RBFOX1: variants seen among roughly 807,000 people sequenced by gnomAD.
RBFOX1 encodes the protein RNA binding fox-1 homolog 1.
In RBFOX1, 8 loss-of-function variants were observed where a neutral mutation model predicts 57.7. The ratio of observed to expected loss-of-function variants is 0.14; its 90% CI spans 0.08 to 0.25. The LOEUF is 0.25. Ranked by LOEUF, RBFOX1 falls within the 10% of genes least tolerant of loss-of-function variation. The pLI is 1.00. For synonymous variants in RBFOX1, 326 were observed against 222.4 expected (o/e 1.47, Z -4.15); for missense variants, 611 against 548.5 (o/e 1.11, Z -1.14).
In RBFOX1 at chr16:5,691,770, C is replaced by CT. The variant is rs112873353; in HGVS notation, c.318+92818dup. On this transcript the variant is annotated intron_variant, in intron 3 of 19. Transcript: ENST00000641259. ...TAATCTTAAATCCTGTAAACATTAT[C>CT]TTTTTTTTTATTTTACAAAAGAGGA... 9.1e-3 allele frequency among the ~76,000 whole-genome samples: 1,372 copies of CT among 151,536 alleles called. 26 individuals carry two copies. Among genetic ancestry groups the CT allele is most frequent in the African/African-American group, 0.03 (1,231 of 41,358 alleles).
At chr16:5,855,516 G>A (rs1413476428) in intron 3 of RBFOX1, among the ~76,000 whole-genome samples, 1 of 152,128 alleles carries the variant, frequency 6.6e-6, no homozygotes, top group African/African-American at 2.4e-5. Context: ...CATTCTTGCT[G>A]AAGATCAGTT....
chr16:6,141,884 C>G (rs979617222), intron 1 of RBFOX1, among the ~76,000 whole-genome samples: 3 of 151,754 alleles, frequency 2.0e-5, no homozygotes, highest in Non-Finnish European at 4.4e-5. Flanking sequence ...CATGGTGAAA[C>G]CCCATCTCTA....
At chr16:5,477,476 T>C (rs2069370263) in intron 2 of RBFOX1, among the ~76,000 whole-genome samples, 1 of 152,224 alleles carries the variant, frequency 6.6e-6, no homozygotes, top group Non-Finnish European at 1.5e-5. Context: ...TGGCCCAGAC[T>C]GTCACTTCCA....
intron 3 of RBFOX1, among the ~76,000 whole-genome samples, chr16:7,035,048 T>C (rs2043979182): frequency 6.6e-6 from 1 of 151,308 alleles, no homozygotes; most frequent in South Asian, 2.1e-4. Context: ...GGGTTTTACA[T>C]TGTTGGCCAG....
intron 2 of RBFOX1, among the ~76,000 whole-genome samples, chr16:6,378,933 T>C (rs1596347417): frequency 6.6e-6 from 1 of 152,108 alleles, no homozygotes; most frequent in Non-Finnish European, 1.5e-5. Flanking sequence ...AGCACTGATC[T>C]TGTTGAGAGA....
chr16:5,451,976 A>C (rs1156965071), intron 1 of RBFOX1, among the ~76,000 whole-genome samples: 1 of 152,028 alleles, frequency 6.6e-6, no homozygotes, highest in Non-Finnish European at 1.5e-5. Flanking sequence ...TCACCATCAA[A>C]TTGAAGATCA....
At position 7,691,966 on chromosome 16, in the gene RBFOX1, C is replaced by A. The variant is rs544271429; in HGVS notation, c.995+15128C>A. On this transcript the variant is annotated intron_variant, in intron 14 of 15. Coordinates refer to ENST00000550418, the MANE Select transcript of RBFOX1 (RefSeq NM_018723.4). ...TTTTGTGCAGCCCAGAATATCATAC[C>A]TGTAGTTAGGAATTCCCGTGTTATT... 1.4e-3 allele frequency among the ~76,000 whole-genome samples: 214 copies of A among 152,190 alleles called. 1 individual carries two copies. The highest frequency in any genetic ancestry group is 2.5e-3 in the Non-Finnish European group (170 of 67,994).
At chr16:6,385,345 T>C (rs1050379063) in intron 2 of RBFOX1, among the ~76,000 whole-genome samples, 5 of 152,152 alleles carry the variant, frequency 3.3e-5, no homozygotes, top group Admixed American at 2.0e-4. Context: ...GTTTTCCCCA[T>C]CTTTATTTTT....
At chr16:6,287,968 T>A (rs1176227252) in intron 1 of RBFOX1, among the ~76,000 whole-genome samples, 1 of 152,132 alleles carries the variant, frequency 6.6e-6, no homozygotes, top group Non-Finnish European at 1.5e-5. Flanking sequence ...AAATGAACAG[T>A]GTTAAGCGTT....
Position 5,255,398 on chromosome 16 carries a change from A to G in RBFOX1, c.219+15293A>G, listed in dbSNP as rs139073815. 6.0e-3 allele frequency among the ~76,000 whole-genome samples: 908 copies of G among 151,872 alleles called. 6 individuals carry two copies. The highest frequency in any genetic ancestry group is 0.021 in the African/African-American group (849 of 41,374). On this transcript the variant is annotated intron_variant, in intron 1 of 2. Coordinates refer to the RBFOX1 transcript ENST00000585867. ...CATCCATCCAGACATGCATACATCC[A>G]TCCACCCACCTACCCATCTATCCAC...
chr16:6,466,219 A>T (rs1370552879), intron 2 of RBFOX1, among the ~76,000 whole-genome samples: 1 of 150,084 alleles, frequency 6.7e-6, no homozygotes, highest in African/African-American at 2.4e-5. Flanking sequence ...GACAGATTAA[A>T]ACTCTATCTC....
At chr16:6,848,268 G>C (rs2093872548) in intron 3 of RBFOX1, among the ~76,000 whole-genome samples, 1 of 152,102 alleles carries the variant, frequency 6.6e-6, no homozygotes, top group African/African-American at 2.4e-5. Context: ...AGCTGCAGCT[G>C]ATTGTGACCA....
intron 3 of RBFOX1, among the ~76,000 whole-genome samples, chr16:6,708,708 C>T (rs1050701907): frequency 6.6e-6 from 1 of 152,204 alleles, no homozygotes; most frequent in Admixed American, 6.5e-5. Context: ...TATAATTACA[C>T]CTGTTCCCTT....
rs146109687 is a variant in RBFOX1, at chr16:5,397,225, G to C, written c.220-69991G>C. On this transcript the variant is annotated intron_variant, in intron 1 of 2. Coordinates refer to the RBFOX1 transcript ENST00000585867. ...AGAGAAACGTGGAGGAGGCTGAAAG[G>C]CTTCTCTAAAGGGATTTTCCCCCTC... Among the ~76,000 whole-genome samples, 450 of 152,346 alleles carry C rather than the reference G, an allele frequency of 3.0e-3. 6 individuals are homozygous for C. Among genetic ancestry groups the C allele is most frequent in the Non-Finnish European group, 4.5e-3 (307 of 68,034 alleles).
chr16:7,513,332 C>G (rs1184940741), intron 4 of RBFOX1, among the ~76,000 whole-genome samples: 1 of 152,162 alleles, frequency 6.6e-6, no homozygotes, highest in African/African-American at 2.4e-5. Flanking sequence ...CCAGGTGATT[C>G]TCTTGCTAGA....
chr16:7,652,948 TG>T (rs760145283), intron 11 of RBFOX1, among the ~76,000 whole-genome samples: 4 of 152,082 alleles, frequency 2.6e-5, no homozygotes, highest in Non-Finnish European at 5.9e-5. Flanking sequence ...AAAAATAGGA[TG>T]GGGGAAAGTT....
intron 10 of RBFOX1, among the ~76,000 whole-genome samples, chr16:7,620,583 G>C (rs1199078265): frequency 6.6e-6 from 1 of 152,184 alleles, no homozygotes; most frequent in East Asian, 1.9e-4. Context: ...AACATGATCA[G>C]GAGGTTCTAG....
At chr16:7,047,716 C>CTTTT (rs55636828) in intron 3 of RBFOX1, among the ~76,000 whole-genome samples, 34 of 47,920 alleles carry the variant, frequency 7.1e-4, no homozygotes, top group Non-Finnish European at 1.1e-3. Context: ...TCCTGCATTT[C>CTTTT]TTTTTTTTTT....
intron 3 of RBFOX1, among the ~76,000 whole-genome samples, chr16:6,822,563 T>C (rs992136217): frequency 6.6e-6 from 1 of 152,218 alleles, no homozygotes; most frequent in Non-Finnish European, 1.5e-5. Context: ...CCGTGCACAG[T>C]GAGCTCTTCG....
Sources: gnomAD v4.1 joint callset for allele counts (sites outside exome capture counted in the v4.1 genomes callset) on GRCh38, gnomAD v4.1.1 for gene constraint, MANE v1.5 for transcripts, NCBI Gene and HGNC (gene_info 2026-07-23, HGNC 2026-07-21) for gene names.